Variants in RNF212B observed in about 807,000 individuals in gnomAD.
RNF212B encodes ring finger protein 212B.
Under a neutral mutation model 55.5 loss-of-function variants are expected in RNF212B, and 52 were observed. The observed-to-expected ratio is 0.94, with a 90% CI of 0.75 to 1.18. The LOEUF (loss-of-function observed/expected upper bound fraction) is 1.18, where lower values mean the gene tolerates loss of function less well. RNF212B is among the 50% of genes most tolerant of loss of function. RNF212B has a pLI of 0.00. For missense variants in RNF212B, 289 were observed against 350.4 expected (o/e 0.82, Z 1.40); for synonymous variants, 99 against 121.4 (o/e 0.82, Z 1.21).
chr14:23,257,132 G>A lies in RNF212B; in HGVS notation c.229-1417G>A, dbSNP rs187037260. Reference sequence around the variant, plus strand: ...CGTGCCATTGCACTCCAGCCTGGGCGACAGAGCGAGACTCAGTCACACACA... The same window carrying A: ...CGTGCCATTGCACTCCAGCCTGGGCAACAGAGCGAGACTCAGTCACACACA... On this transcript the variant is annotated intron_variant, in intron 4 of 14. Coordinates refer to ENST00000430154, the MANE Select transcript of RNF212B (RefSeq NM_001282322.3). Among the ~76,000 whole-genome samples the A allele has an allele frequency of 9.3e-3, 1,408 of 151,656 alleles. 23 individuals carry two copies. Among genetic ancestry groups the A allele is most frequent in the African/African-American group, 0.032 (1,315 of 41,234 alleles).
At chr14:23,262,791 C>T in intron 8 of RNF212B, 80 bp downstream of exon 8, 1 of 1,450,206 alleles carries the variant, frequency 6.9e-7, no homozygotes, top group Non-Finnish European at 9.5e-7. Flanking sequence ...CTCTCAGAGA[C>T]AATAATGTGA....
rs1885547741 is a variant in RNF212B at position 23,264,685 on chromosome 14, A to C, written c.634+14A>C. On this transcript the variant is annotated intron_variant, in intron 11 of 14. Transcript: ENST00000430154. ...ACTCTTATAATGGTGAGGTGGGGGG[A>C]AAAGGGTGTCAGAAATCAACTTACT... The C allele has an allele frequency of 3.9e-6, 5 of 1,273,062 alleles. No individual in the cohort carries two copies. In the African/African-American group the frequency reaches 7.7e-5, roughly 20 times the overall value. The allele number at this position is 1,273,062 out of a possible 1,614,324, so 78.9% of individuals were successfully genotyped here. A position where few individuals can be genotyped will look rare whatever the true frequency, so the allele number is the denominator to read the frequency against.
At chr14:23,216,070 C>A (rs997741702) in intron 2 of RNF212B, among the ~76,000 whole-genome samples, 5 of 19,808 alleles carry the variant, frequency 2.5e-4, no homozygotes, top group Non-Finnish European at 5.9e-4. Flanking sequence ...ACGGTGAAAC[C>A]CCCATCTCTA....
chr14:23,203,491 T>G (rs1264155621), intron 2 of RNF212B, among the ~76,000 whole-genome samples: 1 of 150,816 alleles, frequency 6.6e-6, no homozygotes, highest in Non-Finnish European at 1.5e-5. Flanking sequence ...CCTTTTTTTT[T>G]TTTTTGAGAT....
Position 23,272,934 on chromosome 14 carries a change from A to AT in RNF212B, c.*43_*44insT. 1.7e-6 allele frequency: 2 copies of AT among 1,211,678 alleles called. No individual in the cohort carries two copies. Among genetic ancestry groups the AT allele is most frequent in the South Asian group, 2.9e-5 (2 of 68,902 alleles). 75.1% of individuals were successfully genotyped at this position (1,211,678 alleles called of 1,614,324 possible). On this transcript the variant is annotated 3_prime_UTR_variant, in exon 15 of 15. Coordinates refer to ENST00000430154, the MANE Select transcript of RNF212B (RefSeq NM_001282322.3). The stretch of plus-strand genomic sequence containing the variant: ...ATCTATACATGCTGCTGAAGGATGG[A>AT]CTGTAGCTTCCAGTACGCATTAGGG...
At chr14:23,235,189 G>C (rs983773193), upstream of RNF212B, among the ~76,000 whole-genome samples, 1 of 150,440 alleles carries the variant, frequency 6.6e-6, no homozygotes, top group African/African-American at 2.5e-5. Context: ...TCCAGCCTGG[G>C]TGACAGAGCA....
chr14:23,199,666 T>A lies in RNF212B; in HGVS notation c.-2+6265T>A, dbSNP rs541941268. Reference sequence around the variant, plus strand: ...GTCCCGAACGAAGATTTTTAGCAGGTTGTGAAGTCTCATGTCCTATGAAGG... The same window carrying A: ...GTCCCGAACGAAGATTTTTAGCAGGATGTGAAGTCTCATGTCCTATGAAGG... On this transcript the variant is annotated intron_variant, in intron 2 of 15. Transcript: ENST00000399910. 2.6e-5 allele frequency among the ~76,000 whole-genome samples: 4 copies of A among 152,172 alleles called. No homozygotes were observed. The South Asian group carries it at 6.2e-4, about 24-fold the overall frequency.
intron 11 of RNF212B, among the ~76,000 whole-genome samples, chr14:23,266,034 T>C (rs1301322544): frequency 6.6e-6 from 1 of 152,160 alleles, no homozygotes; most frequent in Non-Finnish European, 1.5e-5. Context: ...TGGAGTGCAG[T>C]GGTGCCATCT....
At chr14:23,193,438 G>C (rs759900590) in intron 2 of RNF212B, 3 of 152,164 alleles carry the variant, frequency 2.0e-5, no homozygotes, top group Non-Finnish European at 4.4e-5. Context: ...GAATTCCTAG[G>C]ATAAGAGGGT....
chr14:23,231,292 T>C (rs1882591271), intron 2 of RNF212B, among the ~76,000 whole-genome samples: 1 of 152,214 alleles, frequency 6.6e-6, no homozygotes, highest in Non-Finnish European at 1.5e-5. Context: ...TATTTTATCC[T>C]TCTTGATGCT....
intron 1 of RNF212B, among the ~76,000 whole-genome samples, chr14:23,186,570 G>A (rs904765243): frequency 4.6e-5 from 7 of 152,038 alleles, no homozygotes; most frequent in African/African-American, 1.7e-4. Context: ...GGCTCGTCTT[G>A]AACTCCTAAC....
intron 1 of RNF212B, among the ~76,000 whole-genome samples, chr14:23,186,185 T>G (rs569353393): frequency 1.3e-5 from 2 of 152,254 alleles, no homozygotes; most frequent in East Asian, 3.9e-4. Context: ...TTATATTAAG[T>G]GCCTCTCTGT....
At chr14:23,248,136 G>A (rs952895214) in intron 4 of RNF212B, among the ~76,000 whole-genome samples, 1 of 151,858 alleles carries the variant, frequency 6.6e-6, no homozygotes, top group African/African-American at 2.4e-5. Flanking sequence ...TTGAGACAGG[G>A]TCTCACTCTG....
intron 2 of RNF212B, among the ~76,000 whole-genome samples, chr14:23,230,660 A>G (rs1432540984): frequency 9.1e-6 from 1 of 109,864 alleles, no homozygotes; most frequent in African/African-American, 2.9e-5. Context: ...TCTCAAAAAA[A>G]AAAAAAAAAA....
upstream of RNF212B, among the ~76,000 whole-genome samples, chr14:23,235,497 T>C (rs902177212): frequency 2.6e-5 from 4 of 152,186 alleles, no homozygotes; most frequent in African/African-American, 9.6e-5. Context: ...GTAGGCATTT[T>C]CTCAAAAATA....
intron 2 of RNF212B, among the ~76,000 whole-genome samples, chr14:23,225,327 A>G (rs1566409566): frequency 6.6e-6 from 1 of 152,226 alleles, no homozygotes; most frequent in Non-Finnish European, 1.5e-5. Flanking sequence ...AAGAAAGGAA[A>G]TCAGTATATC....
rs1182142805 is a variant in RNF212B at position 23,208,757 on chromosome 14, G to GGTTTT, written c.-2+15356_-2+15357insGTTTT. Among the ~76,000 whole-genome samples the GGTTTT allele has an allele frequency of 4.6e-4, 45 of 98,090 alleles. 2 individuals carry two copies. The highest frequency in any genetic ancestry group is 6.8e-4 in the Non-Finnish European group (38 of 55,732). 64.4% of individuals were successfully genotyped at this position (98,090 alleles called of 152,430 possible). On this transcript the variant is annotated intron_variant, in intron 2 of 15. Coordinates refer to the RNF212B transcript ENST00000399910. ...GCAGTCCCAAGGGCTGCTGGTTGCC[G>GGTTTT]TTTTTTTTTTTTTTTTTTTGAGACG...
chr14:23,216,788 A>G (rs1170440445), intron 2 of RNF212B, among the ~76,000 whole-genome samples: 1 of 144,428 alleles, frequency 6.9e-6, no homozygotes, highest in East Asian at 2.2e-4. Context: ...GCTGAGGTGG[A>G]AAGATTGCTC....
intron 2 of RNF212B, among the ~76,000 whole-genome samples, chr14:23,213,479 G>A (rs1880753041): frequency 6.6e-6 from 1 of 152,062 alleles, no homozygotes; most frequent in African/African-American, 2.4e-5. Context: ...ATTCCACCAG[G>A]AGTCATGAGG....
Sources: gnomAD v4.1 joint callset for allele counts (sites outside exome capture counted in the v4.1 genomes callset) on GRCh38, gnomAD v4.1.1 for gene constraint, MANE v1.5 for transcripts, NCBI Gene and HGNC (gene_info 2026-07-23, HGNC 2026-07-21) for gene names.